MYH10: variants seen among roughly 807,000 people sequenced by gnomAD.
The protein encoded by MYH10 is myosin-10.
In MYH10, 55 loss-of-function variants were observed where a neutral mutation model predicts 257.8. The ratio of observed to expected loss-of-function variants is 0.21; its 90% CI spans 0.17 to 0.27. The LOEUF is 0.27. MYH10 is among the 10% of genes least tolerant of loss of function. The pLI is 1.00. For missense variants in MYH10, 1,631 were observed against 2,500.6 expected, an observed-to-expected ratio of 0.65 and a Z score of 7.42; for synonymous variants, 854 against 921.7, an observed-to-expected ratio of 0.93 and a Z score of 1.33.
intron 3 of MYH10, among the ~76,000 whole-genome samples, chr17:8,603,548 T>C (rs369530832): frequency 3.2e-4 from 48 of 152,312 alleles, no homozygotes; most frequent in African/African-American, 1.1e-3. Context: ...TGAGGAACAA[T>C]ATGGGCTTAA....
At position 8,479,972 on chromosome 17, in the gene MYH10, C is replaced by T. The variant is rs939311742; in HGVS notation, c.5597+138G>A. ...CACAGCTCTTCTCTCACAGCTCACA[C>T]CAACTTCTGTGTCCCACTCTGGTTA... On this transcript the variant is annotated intron_variant, in intron 40 of 42. Coordinates refer to ENST00000360416, the MANE Select transcript of MYH10 (RefSeq NM_001256012.3). 9 of 783,888 alleles carry T rather than the reference C, an allele frequency of 1.1e-5. No homozygotes were observed. The African/African-American group carries it at 1.6e-4, about 14-fold the overall frequency. 48.6% of individuals were successfully genotyped at this position (783,888 alleles called of 1,614,324 possible). A position where few individuals can be genotyped will look rare whatever the true frequency, so the allele number is the denominator to read the frequency against.
intron 2 of MYH10, among the ~76,000 whole-genome samples, chr17:8,621,818 C>T (rs1323927544): frequency 1.3e-5 from 2 of 152,164 alleles, no homozygotes; most frequent in African/African-American, 4.8e-5. Flanking sequence ...AGCTCAAATG[C>T]TACCTTCACA....
At chr17:8,497,080 G>T (rs538495503) in intron 30 of MYH10, among the ~76,000 whole-genome samples, 2 of 152,284 alleles carry the variant, frequency 1.3e-5, no homozygotes, top group East Asian at 3.9e-4. Flanking sequence ...AGGACTCCTG[G>T]AAGCTTGTTC....
intron 3 of MYH10, among the ~76,000 whole-genome samples, chr17:8,594,625 T>C (rs1172301158): frequency 6.6e-6 from 1 of 152,210 alleles, no homozygotes; most frequent in East Asian, 1.9e-4. Flanking sequence ...CAAAAGCCTG[T>C]ATACAAATGT....
At position 8,490,785 on chromosome 17, in the gene MYH10, T is replaced by C. The variant is rs1329306886; in HGVS notation, c.4672-233A>G. ...GTGCGGATGTCTTTATTCCCACGTG[T>C]TCTCTGGTCATCCTCCTCTGATGAC... On this transcript the variant is annotated intron_variant, in intron 34 of 42. Transcript: ENST00000360416. The surrounding 1 kb of genome is among the most constrained non-coding windows in gnomAD (Gnocchi z 4.1). 2.0e-5 allele frequency among the ~76,000 whole-genome samples: 3 copies of C among 152,202 alleles called. No homozygotes were observed. Among genetic ancestry groups the C allele is most frequent in the Non-Finnish European group, 4.4e-5 (3 of 68,030 alleles).
In MYH10 at chr17:8,575,145, G is replaced by C. The variant is rs912946386; in HGVS notation, c.663+1498C>G. Among the ~76,000 whole-genome samples the C allele has an allele frequency of 2.0e-5, 3 of 152,304 alleles. No homozygotes were observed. In the South Asian group the frequency reaches 6.2e-4, roughly 32 times the overall value. ...AAAGAAGCTGCTGCCTTCTTTGGGA[G>C]AACCTGCTTCCCAGGGATTGATTTG... On this transcript the variant is annotated intron_variant, in intron 6 of 42. Transcript: ENST00000360416.
rs1408530999 is a variant in MYH10, at chr17:8,493,033, T to G, written c.4210-9A>C. ...TTCTTGGTATCAGCCAACTAGGTTT[T>G]GTGTACGGACAAACAGAAAGCTCAG... On this transcript the variant is annotated splice_polypyrimidine_tract_variant and intron_variant, in intron 32 of 42. Transcript: ENST00000360416. 6.2e-7 allele frequency: 1 copy of G among 1,612,118 alleles called. No individual in the cohort carries two copies. The highest frequency in any genetic ancestry group is 1.1e-5 in the South Asian group (1 of 90,876).
intron 35 of MYH10, among the ~76,000 whole-genome samples, chr17:8,487,936 C>T (rs772732194): frequency 9.2e-5 from 14 of 152,288 alleles, no homozygotes; most frequent in Admixed American, 3.3e-4. Flanking sequence ...GGGGTAGGCA[C>T]AGAGCGGGCA....
chr17:8,475,713 C>T lies in MYH10; in HGVS notation c.*91G>A. 1 of 1,448,952 alleles carries T rather than the reference C, an allele frequency of 6.9e-7. No individual in the cohort carries two copies. Among genetic ancestry groups the T allele is most frequent in the East Asian group, 2.3e-5 (1 of 43,788 alleles). 89.8% of individuals were successfully genotyped at this position (1,448,952 alleles called of 1,614,324 possible). A position where few individuals can be genotyped will look rare whatever the true frequency, so the allele number is the denominator to read the frequency against. On this transcript the variant is annotated 3_prime_UTR_variant, in exon 43 of 43. Transcript: ENST00000360416. ...CACAGTTGATCTTTCAGGAAGGAATCCCGTAGCTTGCCAATTTCCGAAATC... is the reference window on the plus strand; with the variant it reads ...CACAGTTGATCTTTCAGGAAGGAATTCCGTAGCTTGCCAATTTCCGAAATC...
chr17:8,528,760 C>T (rs888579913), intron 17 of MYH10, among the ~76,000 whole-genome samples: 1 of 152,088 alleles, frequency 6.6e-6, no homozygotes, highest in South Asian at 2.1e-4. Flanking sequence ...CCTACATTTT[C>T]GTTTTAAAAT....
At chr17:8,583,641 G>A (rs1034263200) in intron 4 of MYH10, among the ~76,000 whole-genome samples, 1 of 152,138 alleles carries the variant, frequency 6.6e-6, no homozygotes, top group Admixed American at 6.5e-5. Context: ...TGTTGCCTTC[G>A]CTGTTTAATC....
At position 8,513,806 on chromosome 17, in the gene MYH10, A is replaced by T. The variant is rs2081375520; in HGVS notation, c.2593T>A (p.Trp865Arg). 1 of 1,613,978 alleles carries T rather than the reference A, an allele frequency of 6.2e-7. No individual in the cohort carries two copies. Among genetic ancestry groups the T allele is most frequent in the Admixed American group, 1.7e-5 (1 of 59,982 alleles). The change falls in exon 22 of 43, where the codon TGG becomes AGG. Residue 865 changes from tryptophan (W) to arginine (R), a missense_variant. Around this residue, in one of 11 missense-constraint regions of MYH10, gnomAD observed 116 missense variants for 221.6 expected, o/e 0.52. Transcript: ENST00000360416. ...CTCACCTTTGTGAAGACTCGCCACC[A>T]CTGCCAGTGCCGTAATTTCAGGTAC... is the stretch of plus-strand genomic sequence containing the variant. ...AAYLKLRHWQ[W>R]WRVFTKVKPL...
intron 7 of MYH10, among the ~76,000 whole-genome samples, chr17:8,559,466 G>A (rs1049023321): frequency 2.6e-5 from 4 of 152,064 alleles, no homozygotes; most frequent in African/African-American, 7.2e-5. Flanking sequence ...CATCCTTCTA[G>A]GCAATCCCAT....
chr17:8,480,981 G>T (rs984565620), intron 38 of MYH10, among the ~76,000 whole-genome samples: 1 of 152,270 alleles, frequency 6.6e-6, no homozygotes, highest in African/African-American at 2.4e-5. Context: ...ACGAAAAAAT[G>T]AATTCAGAGA....
Position 8,548,745 on chromosome 17 carries a change from G to A in MYH10, c.962C>T (p.Ser321Phe). ...LEGFNNYRFL[S>F]NGYIPIPGQQ... ...TCCCGGAATAGGAATATAGCCATTG[G>A]AGAGAAACCTGTAGTTATTAAATCC... Residue 321 changes from serine to phenylalanine, a missense_variant, in exon 10 of 43, where the codon TCC (serine) becomes TTC (phenylalanine). This residue lies in a region of MYH10 where 360 missense variants were observed against 581.9 expected (regional missense o/e 0.62). Coordinates refer to ENST00000360416, the MANE Select transcript of MYH10 (RefSeq NM_001256012.3). 6.2e-7 allele frequency: 1 copy of A among 1,613,402 alleles called. No individual in the cohort carries two copies.
intron 1 of MYH10, among the ~76,000 whole-genome samples, chr17:8,630,196 C>A (rs938710784): frequency 6.6e-6 from 1 of 151,286 alleles, no homozygotes; most frequent in Non-Finnish European, 1.5e-5. Flanking sequence ...GGGAGGCAGA[C>A]ACTGGCTCGC....
In MYH10 at chr17:8,552,038, T is replaced by G. The variant is rs772505936; in HGVS notation, c.919+8A>C. ...GAATATAAAATAGTAAAAACCTTTGTAACTTACACTTTAGGTGTTCTCCTG... is the reference window on the plus strand; with the variant it reads ...GAATATAAAATAGTAAAAACCTTTGGAACTTACACTTTAGGTGTTCTCCTG... On this transcript the variant is annotated splice_region_variant and intron_variant, in intron 9 of 42. Coordinates refer to ENST00000360416, the MANE Select transcript of MYH10 (RefSeq NM_001256012.3). The surrounding 1 kb of genome is among the most constrained non-coding windows in gnomAD (Gnocchi z 4.8). The G allele has an allele frequency of 1.4e-6, 2 of 1,431,328 alleles. No individual in the cohort carries two copies. The highest frequency in any genetic ancestry group is 1.9e-6 in the Non-Finnish European group (2 of 1,061,380). 88.7% of individuals were successfully genotyped at this position (1,431,328 alleles called of 1,614,324 possible).
At chr17:8,551,324 T>G (rs1011730819) in intron 9 of MYH10, among the ~76,000 whole-genome samples, 3 of 152,180 alleles carry the variant, frequency 2.0e-5, no homozygotes, top group Non-Finnish European at 2.9e-5. Context: ...TTGCAGGTCA[T>G]TCTCTGATTA....
At chr17:8,574,229 T>C (rs1055167103) in intron 6 of MYH10, among the ~76,000 whole-genome samples, 9 of 152,246 alleles carry the variant, frequency 5.9e-5, no homozygotes, top group Admixed American at 3.9e-4. Context: ...TTATATGTGC[T>C]AGAATCTGGA....
Sources: allele counts gnomAD v4.1 joint callset (sites outside exome capture counted in the v4.1 genomes callset), GRCh38; gene constraint gnomAD v4.1.1; regional missense constraint gnomAD v4.1.1; non-coding constraint Gnocchi (gnomAD v3.1); transcripts MANE v1.5; gene names NCBI Gene and HGNC (gene_info 2026-07-23, HGNC 2026-07-21).